TRIM23: variants seen among roughly 807,000 people sequenced by gnomAD.
The protein encoded by TRIM23 is E3 ubiquitin-protein ligase TRIM23.
In TRIM23, 27 loss-of-function variants were observed where a neutral mutation model predicts 71.0. The ratio of observed to expected loss-of-function variants is 0.38; its 90% CI spans 0.28 to 0.52. The LOEUF is 0.52. TRIM23 is among the 20% of genes least tolerant of loss of function. The pLI is 0.84. For missense variants in TRIM23, 482 were observed against 692.3 expected, an observed-to-expected ratio of 0.70 and a Z score of 3.41; for synonymous variants, 234 against 238.0, an observed-to-expected ratio of 0.98 and a Z score of 0.16.
Position 65,594,509 on chromosome 5 carries a change from A to T in TRIM23, c.1545+12T>A. 6.3e-7 allele frequency: 1 copy of T among 1,595,384 alleles called. No individual in the cohort carries two copies. Among genetic ancestry groups the T allele is most frequent in the Non-Finnish European group, 8.5e-7 (1 of 1,175,004 alleles). Reference sequence around the variant, plus strand: ...CTACTAAAATAAATATTCCAATATAAAAATGCATTACCTGTTTGTTAGCAA... The same window carrying T: ...CTACTAAAATAAATATTCCAATATATAAATGCATTACCTGTTTGTTAGCAA... On this transcript the variant is annotated intron_variant, in intron 10 of 10. Coordinates refer to ENST00000231524, the MANE Select transcript of TRIM23 (RefSeq NM_001656.4).
intron 7 of TRIM23, among the ~76,000 whole-genome samples, chr5:65,600,383 T>C (rs1754329070): frequency 6.6e-6 from 1 of 152,020 alleles, no homozygotes; most frequent in Non-Finnish European, 1.5e-5. Flanking sequence ...GGTCACATGA[T>C]CTTCAACAAG....
chr5:65,591,525 T>G lies in TRIM23; in HGVS notation c.*244A>C, dbSNP rs762357866. The G allele has an allele frequency of 6.6e-7, 1 of 1,507,278 alleles. No individual in the cohort carries two copies. Among genetic ancestry groups the G allele is most frequent in the South Asian group, 1.3e-5 (1 of 79,664 alleles). The allele number at this position is 1,507,278 out of a possible 1,614,324, so 93.4% of individuals were successfully genotyped here. On this transcript the variant is annotated 3_prime_UTR_variant, in exon 11 of 11. Coordinates refer to ENST00000231524, the MANE Select transcript of TRIM23 (RefSeq NM_001656.4). ...AAACTTAAATAACAAATATACTTTT[T>G]AAAAGAATGTATATTCAATAAGTTT...
At position 65,604,970 on chromosome 5, in the gene TRIM23, ACTG is replaced by A; in HGVS notation, c.1117_1119del (p.Gln373del). 1.9e-6 allele frequency: 3 copies of A among 1,613,954 alleles called. No individual in the cohort carries two copies. Among genetic ancestry groups the A allele is most frequent in the Non-Finnish European group, 2.5e-6 (3 of 1,179,934 alleles). Reference sequence around the variant, plus strand: ...TGAATGTGATCTGCAACTTCTGTAAACTGCTGCTGCTGTTTCTGCAATGTTTCC... The same window carrying A: ...TGAATGTGATCTGCAACTTCTGTAAACTGCTGCTGTTTCTGCAATGTTTCC... On this transcript the variant is annotated inframe_deletion, in exon 7 of 11. Coordinates refer to ENST00000231524, the MANE Select transcript of TRIM23 (RefSeq NM_001656.4).
At chr5:65,596,365 A>G in intron 9 of TRIM23, 56 bp downstream of exon 9, 2 of 1,225,134 alleles carry the variant, frequency 1.6e-6, no homozygotes, top group Admixed American at 1.8e-5. Flanking sequence ...AAATCAGTAC[A>G]CTGAAAACTG....
chr5:65,598,119 G>A (rs1754257406), intron 7 of TRIM23, among the ~76,000 whole-genome samples: 1 of 151,990 alleles, frequency 6.6e-6, no homozygotes. Flanking sequence ...GTATTCTTGA[G>A]GGTCTATATG....
chr5:65,609,441 C>T lies in TRIM23; in HGVS notation c.846G>A (p.Glu282=). ...AHTEHVPGTA[E]NARSCIRAYF... ...AAGCTCGAATACATGACCGGGCATTCTCTGCAGTCCCTGGTACCTAAGAAA... is the reference window on the plus strand; with the variant it reads ...AAGCTCGAATACATGACCGGGCATTTTCTGCAGTCCCTGGTACCTAAGAAA... The change falls in exon 6 of 11, where the codon GAG becomes GAA. Residue 282 remains glutamate, a synonymous_variant. Transcript: ENST00000231524. The T allele has an allele frequency of 1.2e-6, 2 of 1,614,036 alleles. No homozygotes were observed. The highest frequency in any genetic ancestry group is 1.7e-6 in the Non-Finnish European group (2 of 1,179,976).
rs568917100 is a variant in TRIM23 at position 65,616,663 on chromosome 5, A to G, written c.244+1430T>C. Among the ~76,000 whole-genome samples the G allele has an allele frequency of 3.7e-3, 521 of 141,364 alleles. 2 individuals are homozygous for G. Among genetic ancestry groups the G allele is most frequent in the African/African-American group, 0.012 (478 of 38,502 alleles). 92.7% of individuals were successfully genotyped at this position (141,364 alleles called of 152,430 possible). ...CTTTAAAAAAAAAAAAAAAAAAAAA[A>G]GTAGAAGAAAGGTTCTATTCTCTAT... On this transcript the variant is annotated intron_variant, in intron 2 of 10. Coordinates refer to ENST00000231524, the MANE Select transcript of TRIM23 (RefSeq NM_001656.4).
At chr5:65,603,666 C>T (rs1310193805) in intron 7 of TRIM23, among the ~76,000 whole-genome samples, 1 of 152,040 alleles carries the variant, frequency 6.6e-6, no homozygotes, top group Non-Finnish European at 1.5e-5. Context: ...ATAAACATTT[C>T]ACATAATTGT....
intron 7 of TRIM23, 88 bp from the exon 8 acceptor site, chr5:65,597,268 C>A: frequency 3.0e-6 from 4 of 1,312,824 alleles, no homozygotes; most frequent in South Asian, 2.6e-5. Flanking sequence ...ATCTCCTATT[C>A]ATTCCTCAAC....
chr5:65,610,490 A>G (rs1238812542), intron 5 of TRIM23, among the ~76,000 whole-genome samples: 1 of 152,148 alleles, frequency 6.6e-6, no homozygotes, highest in East Asian at 1.9e-4. Flanking sequence ...CTCACTTACA[A>G]ACATTTTAAC....
At chr5:65,598,748 C>CA (rs34575401) in intron 7 of TRIM23, among the ~76,000 whole-genome samples, 230 of 134,922 alleles carry the variant, frequency 1.7e-3, no homozygotes, top group Admixed American at 4.9e-3. Context: ...AACTCCGCCT[C>CA]AAAAAAAAAA....
intron 1 of TRIM23, among the ~76,000 whole-genome samples, chr5:65,620,132 T>C (rs567721688): frequency 6.6e-6 from 1 of 152,226 alleles, no homozygotes; most frequent in South Asian, 2.1e-4. Flanking sequence ...ATCAAAATAC[T>C]TTTTTCAGAT....
intron 2 of TRIM23, among the ~76,000 whole-genome samples, chr5:65,616,431 CAGG>C (rs944545268): frequency 1.3e-5 from 2 of 151,736 alleles, no homozygotes; most frequent in African/African-American, 4.8e-5. Context: ...CACTTGAGGT[CAGG>C]AGTTCGAGAC....
At chr5:65,604,179 C>T (rs1157861253) in intron 7 of TRIM23, among the ~76,000 whole-genome samples, 1 of 152,124 alleles carries the variant, frequency 6.6e-6, no homozygotes, top group Non-Finnish European at 1.5e-5. Flanking sequence ...TCACTGTAAC[C>T]TCTGCCTCCT....
chr5:65,608,536 A>G (rs1462817954), intron 6 of TRIM23, among the ~76,000 whole-genome samples: 1 of 152,204 alleles, frequency 6.6e-6, no homozygotes, highest in Non-Finnish European at 1.5e-5. Context: ...AAATCAACAC[A>G]ATTATTAGCA....
chr5:65,609,178 T>C, intron 6 of TRIM23, 65 bp downstream of exon 6: 4 of 1,510,154 alleles, frequency 2.6e-6, no homozygotes, highest in Non-Finnish European at 3.7e-6. Context: ...CACACTAATG[T>C]ATACCTCTGG....
chr5:65,601,876 G>T (rs1389933602), intron 7 of TRIM23, among the ~76,000 whole-genome samples: 1 of 152,116 alleles, frequency 6.6e-6, no homozygotes, highest in African/African-American at 2.4e-5. Context: ...GCCACAGCTG[G>T]AGCAGCTGGG....
chr5:65,614,734 CAAAAAAAAAA>C (rs761305985), intron 2 of TRIM23, among the ~76,000 whole-genome samples: 1 of 78,684 alleles, frequency 1.3e-5, no homozygotes, highest in Non-Finnish European at 2.6e-5. Context: ...GACTCTATCT[CAAAAAAAAAA>C]AAAAAAAATC....
intron 10 of TRIM23, 106 bp downstream of exon 10, chr5:65,594,415 A>ATT: frequency 1.5e-6 from 2 of 1,354,812 alleles, no homozygotes; most frequent in Non-Finnish European, 2.0e-6. Flanking sequence ...TACACAGAAG[A>ATT]AACTATAAAT....
Sources: gnomAD v4.1 joint callset for allele counts (sites outside exome capture counted in the v4.1 genomes callset) on GRCh38, gnomAD v4.1.1 for gene constraint, MANE v1.5 for transcripts, NCBI Gene and HGNC (gene_info 2026-07-23, HGNC 2026-07-21) for gene names.